SLMAP: variants seen among roughly 807,000 people sequenced by gnomAD.
SLMAP encodes sarcolemma associated protein.
SLMAP carries 44 observed loss-of-function variants against 128.8 expected under a neutral mutation model. That is an observed-to-expected ratio of 0.34 (90% CI 0.27 to 0.44). The LOEUF (loss-of-function observed/expected upper bound fraction) is 0.44. SLMAP is among the 20% of genes least tolerant of loss of function. SLMAP has a pLI of 1.00. For synonymous variants in SLMAP, 327 were observed against 348.8 expected, an observed-to-expected ratio of 0.94 and a Z score of 0.70; for missense variants, 787 against 985.3, an observed-to-expected ratio of 0.80 and a Z score of 2.69.
intron 2 of SLMAP, among the ~76,000 whole-genome samples, chr3:57,761,669 C>T (rs2078665831): frequency 6.6e-6 from 1 of 152,124 alleles, no homozygotes; most frequent in Admixed American, 6.5e-5. Flanking sequence ...GGGCGGTCGA[C>T]AATTGGGGTA....
intron 19 of SLMAP, 128 bp from the exon 20 acceptor site, chr3:57,912,253 G>A (rs1160936647): frequency 1.9e-5 from 13 of 674,356 alleles, no homozygotes; most frequent in Admixed American, 1.2e-4. Flanking sequence ...TGCATCAAAC[G>A]TGGATTGTTT....
intron 17 of SLMAP, among the ~76,000 whole-genome samples, chr3:57,906,319 T>TC (rs1379038983): frequency 2.5e-5 from 3 of 122,312 alleles, no homozygotes; most frequent in Non-Finnish European, 5.0e-5. Context: ...TCTTTTTTTT[T>TC]TTTTTTTTTT....
chr3:57,791,956 C>T (rs983349588), intron 2 of SLMAP, among the ~76,000 whole-genome samples: 1 of 151,938 alleles, frequency 6.6e-6, no homozygotes, highest in African/African-American at 2.4e-5. Context: ...ATTTTAGTGG[C>T]CTGTCTTTTT....
chr3:57,875,343 T>C (rs1042779073), intron 14 of SLMAP, among the ~76,000 whole-genome samples: 19 of 152,028 alleles, frequency 1.2e-4, no homozygotes, highest in African/African-American at 4.6e-4. Flanking sequence ...GGCAACATAG[T>C]GAGACCCCAT....
At chr3:57,823,431 C>G (rs1283122710) in intron 2 of SLMAP, among the ~76,000 whole-genome samples, 4 of 152,008 alleles carry the variant, frequency 2.6e-5, no homozygotes, top group African/African-American at 7.3e-5. Context: ...CATGTGTTCT[C>G]ATTGTTCAAT....
intron 2 of SLMAP, among the ~76,000 whole-genome samples, chr3:57,778,477 A>G (rs565470552): frequency 1.8e-5 from 2 of 112,066 alleles, no homozygotes; most frequent in South Asian, 2.8e-4. Context: ...TCTATTTTCT[A>G]TTTCCTGAAT....
intron 3 of SLMAP, among the ~76,000 whole-genome samples, chr3:57,839,772 T>C (rs1158061508): frequency 2.0e-5 from 3 of 152,188 alleles, no homozygotes; most frequent in Non-Finnish European, 4.4e-5. Context: ...TTGAGCAGGC[T>C]GGTCTTGAAC....
At chr3:57,800,488 T>C (rs1457416421) in intron 2 of SLMAP, 2 of 152,258 alleles carry the variant, frequency 1.3e-5, no homozygotes, top group African/African-American at 4.8e-5. Context: ...ATTGGCAAGA[T>C]TGCTATTTAC....
At chr3:57,859,498 TGA>T (rs1378909785) in intron 8 of SLMAP, among the ~76,000 whole-genome samples, 1 of 151,918 alleles carries the variant, frequency 6.6e-6, no homozygotes. Context: ...GTGATTACAG[TGA>T]GTTATGATCG....
At chr3:57,796,488 G>A (rs1018464614) in intron 2 of SLMAP, among the ~76,000 whole-genome samples, 1 of 152,094 alleles carries the variant, frequency 6.6e-6, no homozygotes, top group East Asian at 1.9e-4. Flanking sequence ...CTGGACCTTC[G>A]TTTCCTCCCT....
rs193024393 is a variant in SLMAP at position 57,862,616 on chromosome 3, G to A, written c.966+530G>A. 2.3e-3 allele frequency among the ~76,000 whole-genome samples: 270 copies of A among 118,812 alleles called. 1 individual carries two copies. The highest frequency in any genetic ancestry group is 8.4e-3 in the African/African-American group (257 of 30,428). The allele number at this position is 118,812 out of a possible 152,430, so 77.9% of individuals were successfully genotyped here. A position where few individuals can be genotyped will look rare whatever the true frequency, so the allele number is the denominator to read the frequency against. ...TTGCACCACTGCACTCCAGCCTGGCGACAGAGCAAGACTTCGTCTCACAAA... is the reference window on the plus strand; with the variant it reads ...TTGCACCACTGCACTCCAGCCTGGCAACAGAGCAAGACTTCGTCTCACAAA... On this transcript the variant is annotated intron_variant, in intron 10 of 24. Transcript: ENST00000671191.
intron 2 of SLMAP, among the ~76,000 whole-genome samples, chr3:57,807,734 T>C (rs1415240062): frequency 6.6e-6 from 1 of 152,238 alleles, no homozygotes; most frequent in Non-Finnish European, 1.5e-5. Flanking sequence ...CCTGAAGTTT[T>C]CTTTTTTTGT....
intron 2 of SLMAP, among the ~76,000 whole-genome samples, chr3:57,812,128 A>C (rs981559630): frequency 3.3e-5 from 5 of 152,172 alleles, no homozygotes; most frequent in African/African-American, 1.2e-4. Flanking sequence ...TTGGTGTCAT[A>C]TCCAAGAAAT....
At chr3:57,862,353 G>A (rs1248750457) in intron 10 of SLMAP, among the ~76,000 whole-genome samples, 1 of 151,500 alleles carries the variant, frequency 6.6e-6, no homozygotes, top group Non-Finnish European at 1.5e-5. Flanking sequence ...ACAAAAAACA[G>A]TTTGGGCCAG....
At chr3:57,831,679 T>A in intron 3 of SLMAP, 149 bp downstream of exon 3, 1 of 491,536 alleles carries the variant, frequency 2.0e-6, no homozygotes, top group Non-Finnish European at 3.4e-6. Flanking sequence ...AGTCTCATAC[T>A]TTCCGTATTG....
intron 14 of SLMAP, among the ~76,000 whole-genome samples, chr3:57,885,771 CTTTTTT>C (rs35541333): frequency 5.6e-5 from 3 of 53,568 alleles, no homozygotes; most frequent in Admixed American, 2.7e-4. Flanking sequence ...GTTTTTGGTT[CTTTTTT>C]TTTTTTTTTT....
Position 57,757,281 on chromosome 3 carries a change from A to G in SLMAP, c.-371A>G, listed in dbSNP as rs1052157997. On this transcript the variant is annotated 5_prime_UTR_variant, in exon 2 of 25. Transcript: ENST00000671191. ...CGGCCGCGATCTCAAACCAAACACA[A>G]GAATTGGCGTGTGACTCATCTGCTT... 1.3e-5 allele frequency: 4 copies of G among 301,108 alleles called. No homozygotes were observed. Among genetic ancestry groups the G allele is most frequent in the Admixed American group, 4.8e-5 (1 of 20,758 alleles). 18.7% of individuals were successfully genotyped at this position (301,108 alleles called of 1,614,324 possible). A position where few individuals can be genotyped will look rare whatever the true frequency, so the allele number is the denominator to read the frequency against.
intron 2 of SLMAP, among the ~76,000 whole-genome samples, chr3:57,790,648 A>G (rs184412760): frequency 2.8e-4 from 42 of 152,318 alleles, no homozygotes; most frequent in Middle Eastern, 3.4e-3. Context: ...GTTAAAATGT[A>G]CTTTCAACAT....
At chr3:57,848,709 C>CTTTTT (rs34568039) in intron 5 of SLMAP, among the ~76,000 whole-genome samples, 10 of 103,596 alleles carry the variant, frequency 9.7e-5, no homozygotes, top group African/African-American at 1.4e-4. Context: ...CCTCCTACTC[C>CTTTTT]TTTTTTTTTT....
Sources: allele counts gnomAD v4.1 joint callset (sites outside exome capture counted in the v4.1 genomes callset), GRCh38; gene constraint gnomAD v4.1.1; transcripts MANE v1.5; gene names NCBI Gene and HGNC (gene_info 2026-07-23, HGNC 2026-07-21).